Variants in HLTF observed in about 807,000 individuals in gnomAD.
The protein encoded by HLTF is helicase like transcription factor.
HLTF carries 127 observed loss-of-function variants against 129.4 expected under a neutral mutation model. The observed-to-expected ratio is 0.98, with a 90% CI of 0.85 to 1.14. HLTF has a LOEUF of 1.14. Ranked by LOEUF, HLTF falls within the 50% of genes most tolerant of loss-of-function variation. HLTF has a pLI of 0.00. For synonymous variants in HLTF, 332 were observed against 388.8 expected, an observed-to-expected ratio of 0.85 and a Z score of 1.72; for missense variants, 1,139 against 1,187.1, an observed-to-expected ratio of 0.96 and a Z score of 0.60.
intron 12 of HLTF, 97 bp from the exon 13 acceptor site, chr3:149,059,904 A>G: frequency 2.7e-6 from 2 of 752,436 alleles, no homozygotes; most frequent in South Asian, 3.4e-5. Context: ...TATCATTTTC[A>G]CCCTCTATTG....
chr3:149,060,530 A>G, intron 12 of HLTF, 113 bp downstream of exon 12: 3 of 793,116 alleles, frequency 3.8e-6, no homozygotes, highest in South Asian at 1.8e-5. Flanking sequence ...TGTAAACATC[A>G]GCCAAGTTTA....
chr3:149,071,304 T>G lies in HLTF; in HGVS notation c.842A>C (p.Lys281Thr), dbSNP rs562852118. 2 of 1,610,426 alleles carry G rather than the reference T, an allele frequency of 1.2e-6. No homozygotes were observed. Among genetic ancestry groups the G allele is most frequent in the South Asian group, 2.2e-5 (2 of 90,058 alleles). Residue 281 changes from lysine (K) to threonine (T), a missense_variant, in exon 7 of 25, where the codon AAG becomes ACG. Lys to Thr is a moderately conservative substitution (Grantham distance 78, BLOSUM62 -1). Coordinates refer to ENST00000310053, the MANE Select transcript of HLTF (RefSeq NM_003071.4). ...TCCATGGACATTTTCTGGTCGGTCC[T>G]TCTCAGAAAAATTTGTTATTGTGTT... Reference protein sequence around the residue: ...YYNTITNFSEKDRPENVHGGI... With the variant: ...YYNTITNFSETDRPENVHGGI...
chr3:149,061,402 C>A (rs1442079953), intron 10 of HLTF, among the ~76,000 whole-genome samples: 4 of 147,638 alleles, frequency 2.7e-5, no homozygotes, highest in African/African-American at 7.6e-5. Flanking sequence ...CAGAGCGACA[C>A]TCCATCTCAA....
intron 22 of HLTF, 149 bp from the exon 23 acceptor site, chr3:149,039,378 G>A: frequency 3.0e-6 from 2 of 670,958 alleles, no homozygotes; most frequent in Non-Finnish European, 2.3e-6. Context: ...GCTAGGCACT[G>A]AGTCAGTCAT....
At chr3:149,048,836 T>C (rs41267867) in intron 16 of HLTF, 27 bp downstream of exon 16, 15,952 of 1,578,074 alleles carry the variant, frequency 0.01, 241 homozygotes, top group African/African-American at 0.064. Flanking sequence ...AGATTTAAGG[T>C]TTTAGTAAGT....
intron 2 of HLTF, among the ~76,000 whole-genome samples, chr3:149,079,121 T>C (rs948578184): frequency 9.2e-5 from 14 of 151,760 alleles, no homozygotes; most frequent in Non-Finnish European, 1.9e-4. Flanking sequence ...CCTCAGAAAC[T>C]TGTAATATCA....
In HLTF at chr3:149,048,891, T is replaced by A. The variant is rs1559862174; in HGVS notation, c.1728A>T (p.Leu576Phe). Residue 576 changes from leucine to phenylalanine, a missense_variant, in exon 16 of 25, where the codon TTA becomes TTT. By Grantham distance (22) the Leu-to-Phe change is conservative (BLOSUM62 0). Coordinates refer to ENST00000310053, the MANE Select transcript of HLTF (RefSeq NM_003071.4). ...NAQQTKAVLDLESERRWVLTG... is the reference protein window; with the variant it reads ...NAQQTKAVLDFESERRWVLTG... ...TCAAAACCCATCTTCTTTCTGATTC[T>A]AAGTCAAGTACAGCTTTTGTCTGCT... 1 of 1,613,544 alleles carries A rather than the reference T, an allele frequency of 6.2e-7. No individual in the cohort carries two copies. The highest frequency in any genetic ancestry group is 8.5e-7 in the Non-Finnish European group (1 of 1,179,558).
intron 3 of HLTF, among the ~76,000 whole-genome samples, chr3:149,075,320 G>A (rs1255807325): frequency 2.6e-5 from 4 of 152,062 alleles, no homozygotes; most frequent in Non-Finnish European, 4.4e-5. Context: ...AGGCCGAGGC[G>A]GGCAGATCAC....
chr3:149,054,570 T>C (rs1717268498), intron 14 of HLTF, among the ~76,000 whole-genome samples: 1 of 152,176 alleles, frequency 6.6e-6, no homozygotes, highest in African/African-American at 2.4e-5. Context: ...AGAGTCATTA[T>C]TTCATCATAA....
At chr3:149,035,546 T>C (rs1202032338) in intron 23 of HLTF, among the ~76,000 whole-genome samples, 1 of 149,846 alleles carries the variant, frequency 6.7e-6, no homozygotes, top group African/African-American at 2.5e-5. Context: ...TAGTCCCAGC[T>C]ACTCAGGAGG....
intron 2 of HLTF, among the ~76,000 whole-genome samples, chr3:149,078,257 T>TG (rs750991610): frequency 6.6e-6 from 1 of 152,176 alleles, no homozygotes; most frequent in Non-Finnish European, 1.5e-5. Flanking sequence ...TTAAATATGT[T>TG]CAAAGGGGCT....
In HLTF at chr3:149,046,078, A is replaced by G; in HGVS notation, c.2072+2T>C. 1.3e-6 allele frequency: 2 copies of G among 1,596,618 alleles called. No individual in the cohort carries two copies. The highest frequency in any genetic ancestry group is 1.1e-5 in the South Asian group (1 of 87,056). ...TTTTAACATGGTTTTCTTTCTCCAT[A>G]CCTTCCAATAGTGGCTCTGCCTTCA... is the stretch of plus-strand genomic sequence containing the variant. On this transcript the variant is annotated splice_donor_variant, in intron 18 of 24. Transcript: ENST00000310053. LOFTEE classifies it high-confidence loss of function.
At chr3:149,051,623 G>A (rs942032365) in intron 14 of HLTF, among the ~76,000 whole-genome samples, 1 of 152,248 alleles carries the variant, frequency 6.6e-6, no homozygotes, top group African/African-American at 2.4e-5. Context: ...CACTTTGGGA[G>A]GCCAAGGCGG....
chr3:149,052,482 G>T (rs1464445387), intron 14 of HLTF, among the ~76,000 whole-genome samples: 1 of 152,078 alleles, frequency 6.6e-6, no homozygotes, highest in African/African-American at 2.4e-5. Context: ...AAGGTTTAGA[G>T]ATAGCTTACA....
intron 12 of HLTF, 117 bp from the exon 13 acceptor site, chr3:149,059,924 A>G (rs1717782561): frequency 1.5e-6 from 1 of 652,758 alleles, no homozygotes; most frequent in Non-Finnish European, 2.6e-6. Flanking sequence ...GTAAGAGCTT[A>G]TATTATTAAG....
At position 149,035,002 on chromosome 3, in the gene HLTF, A is replaced by G; in HGVS notation, c.2797-4T>C. ...CTTCAGCAGCAGGATTCCAGGCCTA[A>G]CAAGAACATGGATGAGTTACTTTAC... On this transcript the variant is annotated splice_polypyrimidine_tract_variant and splice_region_variant and intron_variant, in intron 23 of 24. Coordinates refer to ENST00000310053, the MANE Select transcript of HLTF (RefSeq NM_003071.4). The G allele has an allele frequency of 6.2e-7, 1 of 1,607,660 alleles. No homozygotes were observed. The highest frequency in any genetic ancestry group is 1.1e-5 in the South Asian group (1 of 90,942).
intron 12 of HLTF, 40 bp from the exon 13 acceptor site, chr3:149,059,847 A>G (rs770007905): frequency 6.1e-6 from 8 of 1,303,584 alleles, no homozygotes; most frequent in Non-Finnish European, 8.8e-6. Flanking sequence ...TTTTCAAATT[A>G]TCTCCTGTGC....
intron 24 of HLTF, among the ~76,000 whole-genome samples, chr3:149,034,617 T>C (rs1715411470): frequency 6.6e-6 from 1 of 152,230 alleles, no homozygotes; most frequent in Non-Finnish European, 1.5e-5. Flanking sequence ...CATCTAAATG[T>C]ACTTATGAGG....
chr3:149,081,693 TA>T (rs891750987), intron 2 of HLTF, among the ~76,000 whole-genome samples: 1 of 152,100 alleles, frequency 6.6e-6, no homozygotes, highest in Non-Finnish European at 1.5e-5. Flanking sequence ...TGGCAGACAT[TA>T]AAAAAATGGC....
Sources: allele counts gnomAD v4.1 joint callset (sites outside exome capture counted in the v4.1 genomes callset), GRCh38; gene constraint gnomAD v4.1.1; transcripts MANE v1.5; gene names NCBI Gene and HGNC (gene_info 2026-07-23, HGNC 2026-07-21).